The following CACNA1S variants were observed in gnomAD, a reference collection of about 807,000 sequenced individuals.
CACNA1S encodes the protein voltage-dependent L-type calcium channel subunit alpha-1S.
CACNA1S carries 126 observed loss-of-function variants against 207.4 expected under a neutral mutation model. The ratio of observed to expected loss-of-function variants is 0.61; its 90% CI spans 0.53 to 0.70. CACNA1S has a LOEUF of 0.70. CACNA1S is among the 30% of genes least tolerant of loss of function. CACNA1S has a pLI of 0.00. For synonymous variants in CACNA1S, 960 were observed against 932.7 expected (o/e 1.03, Z -0.53); for missense variants, 2,349 against 2,422.8 (o/e 0.97, Z 0.64).
intron 8 of CACNA1S, 136 bp downstream of exon 8, chr1:201,085,300 C>T: frequency 1.7e-6 from 2 of 1,200,330 alleles, no homozygotes; most frequent in Non-Finnish European, 2.5e-6. Flanking sequence ...CATTTTGAGC[C>T]ATTTTGCTTT....
At position 201,062,529 on chromosome 1, in the gene CACNA1S, AGG is replaced by A; in HGVS notation, c.2854-17_2854-16del. ...AAGAACTTCCCCTGCAGCCAGGAAG[AGG>A]GAGGGAGGGAGGGAGGCATGTTGTC... On this transcript the variant is annotated splice_polypyrimidine_tract_variant and intron_variant, in intron 22 of 43. Transcript: ENST00000362061. 1.5e-6 allele frequency: 1 copy of A among 648,292 alleles called. No homozygotes were observed. The allele number at this position is 648,292 out of a possible 1,614,324, so 40.2% of individuals were successfully genotyped here. A position where few individuals can be genotyped will look rare whatever the true frequency, so the allele number is the denominator to read the frequency against.
At position 201,089,459 on chromosome 1, in the gene CACNA1S, G is replaced by T. The variant is rs756008578; in HGVS notation, c.699C>A (p.Ile233=). Residue 233 remains isoleucine (I), a synonymous_variant, in exon 6 of 44, where the codon ATC becomes ATA. Coordinates refer to ENST00000362061, the MANE Select transcript of CACNA1S (RefSeq NM_000069.3). ...HKTCYFIGTD[I]VATVENEEPS... ...GCTCTTCATTCTCCACCGTGGCCAC[G>T]ATATCTGGAGGCAGAAGGCAAAGGG... 3 of 1,613,676 alleles carry T rather than the reference G, an allele frequency of 1.9e-6. No individual in the cohort carries two copies. The highest frequency in any genetic ancestry group is 2.5e-6 in the Non-Finnish European group (3 of 1,179,980).
intron 34 of CACNA1S, 94 bp from the exon 35 acceptor site, chr1:201,049,193 G>C: frequency 1.2e-6 from 1 of 836,306 alleles, no homozygotes; most frequent in Non-Finnish European, 2.0e-6. Flanking sequence ...AGAAAGCCAG[G>C]AAACAGGGGA....
intron 2 of CACNA1S, among the ~76,000 whole-genome samples, chr1:201,100,166 C>T (rs1485298675): frequency 6.6e-6 from 1 of 152,208 alleles, no homozygotes; most frequent in Non-Finnish European, 1.5e-5. Context: ...AGTTGGTTCA[C>T]AGGAAAAAAT....
chr1:201,095,121 GGTGTGT>G (rs55654000), intron 2 of CACNA1S, among the ~76,000 whole-genome samples: 1 of 148,858 alleles, frequency 6.7e-6, no homozygotes, highest in Non-Finnish European at 1.5e-5. Context: ...AGCTCCAGGA[GGTGTGT>G]GTGTGTGTGT....
intron 38 of CACNA1S, 47 bp downstream of exon 38, chr1:201,047,068 C>G (rs1367464026): frequency 5.6e-6 from 9 of 1,613,448 alleles, no homozygotes; most frequent in Non-Finnish European, 6.8e-6. Context: ...GTCTGGAGAC[C>G]TGGCTCAGTG....
At chr1:201,099,453 G>A (rs1169325573) in intron 2 of CACNA1S, among the ~76,000 whole-genome samples, 1 of 152,250 alleles carries the variant, frequency 6.6e-6, no homozygotes, top group Non-Finnish European at 1.5e-5. Flanking sequence ...ATGACTGCCT[G>A]TCACCTGGGC....
Position 201,059,275 on chromosome 1 carries a change from T to C in CACNA1S, c.3439A>G (p.Asn1147Asp). Residue 1147 changes from asparagine (N) to aspartate (D), a missense_variant, in exon 27 of 44, where the codon AAC (asparagine) becomes GAC (aspartate). Transcript: ENST00000362061. ...ACATTGAGGATGTCTGAGATGTGGT[T>C]CATCTGCTCCGACTGGTTGTAGTGC... ...MQHYNQSEQM[N>D]HISDILNVAF... 1 of 1,613,642 alleles carries C rather than the reference T, an allele frequency of 6.2e-7. No homozygotes were observed. Among genetic ancestry groups the C allele is most frequent in the East Asian group, 2.2e-5 (1 of 44,860 alleles).
At chr1:201,084,359 T>C (rs969813771) in intron 9 of CACNA1S, among the ~76,000 whole-genome samples, 14 of 152,200 alleles carry the variant, frequency 9.2e-5, no homozygotes, top group African/African-American at 3.4e-4. Flanking sequence ...AGGCTGCACA[T>C]CTGTTACCAT....
chr1:201,077,033 T>C lies in CACNA1S; in HGVS notation c.1714A>G (p.Ile572Val), dbSNP rs1314481410. 6.2e-7 allele frequency: 1 copy of C among 1,614,086 alleles called. No individual in the cohort carries two copies. The highest frequency in any genetic ancestry group is 8.5e-7 in the Non-Finnish European group (1 of 1,180,012). ...AGCTGCATGCCCAGGAGGGCGAAGATGACGATGAAGAGGAAGAGCAGCAGC... is the reference window on the plus strand; with the variant it reads ...AGCTGCATGCCCAGGAGGGCGAAGACGACGATGAAGAGGAAGAGCAGCAGC... ...LLLLLFLFIV[I>V]FALLGMQLFG... Residue 572 changes from isoleucine (I) to valine (V), a missense_variant, in exon 12 of 44, where the codon ATC (isoleucine) becomes GTC (valine). Transcript: ENST00000362061.
chr1:201,097,122 C>T (rs1212706878), intron 2 of CACNA1S, among the ~76,000 whole-genome samples: 1 of 152,094 alleles, frequency 6.6e-6, no homozygotes. Flanking sequence ...GCCATTCCAC[C>T]CCTACCGTCT....
At position 201,112,257 on chromosome 1, in the gene CACNA1S, G is replaced by C. The variant is rs747041937; in HGVS notation, c.83C>G (p.Pro28Arg). The change falls in exon 1 of 44, where the codon CCC becomes CGC. Residue 28 changes from proline (P) to arginine (R), a missense_variant. Transcript: ENST00000362061. ...CAGGGTCAGGCAGAACAAGGCCCGG[G>C]GTGGCCTTGGCAGAATCTCAGGAAC... is the stretch of plus-strand genomic sequence containing the variant. ...KPVPEILPRPPRALFCLTLEN... is the reference protein window; with the variant it reads ...KPVPEILPRPRRALFCLTLEN... 1 of 1,614,010 alleles carries C rather than the reference G, an allele frequency of 6.2e-7. No homozygotes were observed. The highest frequency in any genetic ancestry group is 1.7e-5 in the Admixed American group (1 of 60,016).
chr1:201,045,835 AT>A (rs1247130872), intron 38 of CACNA1S, among the ~76,000 whole-genome samples: 1 of 152,040 alleles, frequency 6.6e-6, no homozygotes, highest in Non-Finnish European at 1.5e-5. Flanking sequence ...CGCCCTTGTA[AT>A]ACACATTTTG....
At chr1:201,056,739 G>A (rs1343931126) in intron 28 of CACNA1S, among the ~76,000 whole-genome samples, 3 of 152,180 alleles carry the variant, frequency 2.0e-5, no homozygotes, top group African/African-American at 7.2e-5. Context: ...GGCAGCCTCT[G>A]GAGGGATCGG....
chr1:201,053,226 C>T lies in CACNA1S; in HGVS notation c.3844G>A (p.Ala1282Thr), dbSNP rs774300377. 10 of 1,614,118 alleles carry T rather than the reference C, an allele frequency of 6.2e-6. No homozygotes were observed. The highest frequency in any genetic ancestry group is 1.7e-5 in the Admixed American group (1 of 60,016). Residue 1282 changes from alanine (A) to threonine (T), a missense_variant, in exon 31 of 44, where the codon GCT becomes ACT. Coordinates refer to ENST00000362061, the MANE Select transcript of CACNA1S (RefSeq NM_000069.3). This position sits in a 1 kb window ranked among gnomAD's most constrained non-coding sequence, Gnocchi z 5.1. ...CCTCTCACCTGCATGCCGATGACAG[C>T]GTAGATGAAGAAGAGCATGACGATG... ...LLIVMLFFIYAVIGMQMFGKI... is the reference protein window; with the variant it reads ...LLIVMLFFIYTVIGMQMFGKI...
At chr1:201,102,784 T>C (rs748172743) in intron 2 of CACNA1S, among the ~76,000 whole-genome samples, 10 of 152,176 alleles carry the variant, frequency 6.6e-5, no homozygotes, top group Non-Finnish European at 1.3e-4. Flanking sequence ...TCTCAACCAC[T>C]ATGCCAGGCA....
At chr1:201,062,192 G>A (rs1661075267) in intron 23 of CACNA1S, 102 bp from the exon 24 acceptor site, 2 of 1,449,044 alleles carry the variant, frequency 1.4e-6, no homozygotes, top group East Asian at 2.4e-5. Context: ...GAGAAATGAA[G>A]TTCCAGATCT....
intron 2 of CACNA1S, among the ~76,000 whole-genome samples, chr1:201,100,557 C>T (rs1388771821): frequency 6.6e-6 from 1 of 152,196 alleles, no homozygotes; most frequent in East Asian, 1.9e-4. Flanking sequence ...TCATTTCCCT[C>T]TTCCAGTTCC....
chr1:201,049,236 G>A lies in CACNA1S; in HGVS notation c.4242-137C>T. 3 of 664,744 alleles carry A rather than the reference G, an allele frequency of 4.5e-6. No individual in the cohort carries two copies. In the South Asian group the frequency reaches 5.1e-5, roughly 11 times the overall value. The allele number at this position is 664,744 out of a possible 1,614,324, so 41.2% of individuals were successfully genotyped here. A position where few individuals can be genotyped will look rare whatever the true frequency, so the allele number is the denominator to read the frequency against. ...CTTATTTTCCAACTGTGTTTAGGAA[G>A]TGGGAGCCCAGCTCCCTTTTAAAAG... On this transcript the variant is annotated intron_variant, in intron 34 of 43. Coordinates refer to ENST00000362061, the MANE Select transcript of CACNA1S (RefSeq NM_000069.3).
Sources: allele counts gnomAD v4.1 joint callset (sites outside exome capture counted in the v4.1 genomes callset), GRCh38; gene constraint gnomAD v4.1.1; non-coding constraint Gnocchi (gnomAD v3.1); transcripts MANE v1.5; gene names NCBI Gene and HGNC (gene_info 2026-07-23, HGNC 2026-07-21).